DCT: variants seen among roughly 807,000 people sequenced by gnomAD.
The protein encoded by DCT is L-dopachrome tautomerase.
In DCT, 47 loss-of-function variants were observed where a neutral mutation model predicts 53.0. That is an observed-to-expected ratio of 0.89 (90% CI 0.70 to 1.13). The LOEUF (loss-of-function observed/expected upper bound fraction) is 1.13, where lower values mean the gene tolerates loss of function less well. Among genes scored for constraint, DCT ranks in the 50% most tolerant of loss-of-function variants. The probability of loss-of-function intolerance (pLI) is 0.00; values close to 1 mark genes in which losing one functional copy is unlikely to be tolerated. For missense variants in DCT, 669 were observed against 637.4 expected (o/e 1.05, Z -0.53); for synonymous variants, 244 against 237.0 (o/e 1.03, Z -0.27).
At chr13:94,489,050 A>T in the DCT span, among the ~76,000 whole-genome samples, 1 of 152,146 alleles carries the variant, frequency 6.6e-6, no homozygotes, top group Non-Finnish European at 1.5e-5. Context: ...TGTAGAATAA[A>T]CACAAGAAAC....
At chr13:94,545,474 GC>G in the DCT span, among the ~76,000 whole-genome samples, 1 of 152,090 alleles carries the variant, frequency 6.6e-6, no homozygotes, top group Non-Finnish European at 1.5e-5. Flanking sequence ...ATAACTGACA[GC>G]TTTCCTAGTT....
chr13:94,521,226 T>C, the DCT span, among the ~76,000 whole-genome samples: 1 of 152,210 alleles, frequency 6.6e-6, no homozygotes, highest in African/African-American at 2.4e-5. Context: ...AAACCTGTGT[T>C]GTAAGGATAA....
the DCT span, among the ~76,000 whole-genome samples, chr13:94,487,384 G>A: frequency 6.6e-6 from 1 of 152,154 alleles, no homozygotes; most frequent in East Asian, 1.9e-4. Flanking sequence ...TTTGCATGCC[G>A]GCACCTAGCA....
the DCT span, among the ~76,000 whole-genome samples, chr13:94,537,318 A>G: frequency 1.3e-5 from 2 of 152,244 alleles, no homozygotes; most frequent in Non-Finnish European, 2.9e-5. Context: ...ATTTAAAAAT[A>G]GCAGTCAGAA....
the DCT span, among the ~76,000 whole-genome samples, chr13:94,533,294 G>C: frequency 2.1e-4 from 32 of 151,848 alleles, no homozygotes; most frequent in Non-Finnish European, 3.7e-4. Context: ...AAAGGTGTAA[G>C]ACCATGCAAT....
At chr13:94,547,984 A>AAAAAAAAATATAT in the DCT span, among the ~76,000 whole-genome samples, 9 of 65,816 alleles carry the variant, frequency 1.4e-4, no homozygotes, top group African/African-American at 7.7e-4. Flanking sequence ...AAAAAAAAAA[A>AAAAAAAAATATAT]ATATATATAT....
chr13:94,507,089 G>A, the DCT span, among the ~76,000 whole-genome samples: 1 of 152,136 alleles, frequency 6.6e-6, no homozygotes, highest in African/African-American at 2.4e-5. Flanking sequence ...AGACCAAGGA[G>A]AATATGGAGA....
chr13:94,477,576 C>A (rs1402039088), intron 1 of DCT, among the ~76,000 whole-genome samples: 2 of 152,160 alleles, frequency 1.3e-5, no homozygotes, highest in Admixed American at 1.3e-4. Context: ...AATCATATCT[C>A]AAACCCTAGC....
rs1423413072 is a variant in DCT at position 94,436,886 on chromosome 13, T to C, written c.*3012A>G. The C allele has an allele frequency of 6.6e-6, 1 of 152,204 alleles. No individual in the cohort carries two copies. Among genetic ancestry groups the C allele is most frequent in the East Asian group, 1.9e-4 (1 of 5,198 alleles). The allele number at this position is 152,204 out of a possible 1,614,324, so 9.4% of individuals were successfully genotyped here. A position where few individuals can be genotyped will look rare whatever the true frequency, so the allele number is the denominator to read the frequency against. ...AAAATACTCAGGATAAGTAAGGCAC[T>C]ATAGAAATAGGAAGAGCTTCAACCT... On this transcript the variant is annotated 3_prime_UTR_variant, in exon 8 of 8. Coordinates refer to ENST00000377028, the MANE Select transcript of DCT (RefSeq NM_001922.5).
intron 6 of DCT, among the ~76,000 whole-genome samples, chr13:94,457,390 G>C (rs762919607): frequency 2.6e-5 from 4 of 152,178 alleles, no homozygotes; most frequent in Non-Finnish European, 1.5e-5. Context: ...CACTATATGA[G>C]GATGCAGCTA....
Position 94,445,533 on chromosome 13 carries a change from G to A in DCT, c.1180-1896C>T, listed in dbSNP as rs1187924210. On this transcript the variant is annotated intron_variant, in intron 6 of 7. Coordinates refer to ENST00000377028, the MANE Select transcript of DCT (RefSeq NM_001922.5). ...ATCACCATCTGACTGCAGCTGCACT[G>A]AAAGATGCTAGGCTAGAACTGCCTA... Among the ~76,000 whole-genome samples, 3 of 152,178 alleles carry A rather than the reference G, an allele frequency of 2.0e-5. No homozygotes were observed. In the South Asian group the frequency reaches 6.2e-4, roughly 32 times the overall value.
Position 94,472,546 on chromosome 13 carries a change from ATATATATATATATATATATATATT to A in DCT, c.296-3525_296-3502del, listed in dbSNP as rs1884761413. 3.1e-4 allele frequency among the ~76,000 whole-genome samples: 8 copies of A among 25,572 alleles called. 1 individual carries two copies. The highest frequency in any genetic ancestry group is 1.3e-3 in the African/African-American group (7 of 5,276). 16.8% of individuals were successfully genotyped at this position (25,572 alleles called of 152,430 possible). A position where few individuals can be genotyped will look rare whatever the true frequency, so the allele number is the denominator to read the frequency against. On this transcript the variant is annotated intron_variant, in intron 1 of 7. Coordinates refer to ENST00000377028, the MANE Select transcript of DCT (RefSeq NM_001922.5). ...CATATATATATATATATATATATAT[ATATATATATATATATATATATATT>A]TTTTTTTTTTTTTTTTTTTTTTTTT... is the stretch of plus-strand genomic sequence containing the variant.
chr13:94,505,469 G>A, the DCT span, among the ~76,000 whole-genome samples: 2 of 152,150 alleles, frequency 1.3e-5, no homozygotes, highest in African/African-American at 2.4e-5. Flanking sequence ...AGATTTGGCC[G>A]AAAGTCCGTT....
Position 94,472,521 on chromosome 13 carries a change from CATATATATATATATATAT to C in DCT, c.296-3494_296-3477del, listed in dbSNP as rs1555334365. ...AGTGAGTTAAATATATACATACATACATATATATATATATATATATATATATATATATATATATATATA... is the reference window on the plus strand; with the variant it reads ...AGTGAGTTAAATATATACATACATACATATATATATATATATATATATATA... On this transcript the variant is annotated intron_variant, in intron 1 of 7. Transcript: ENST00000377028. Among the ~76,000 whole-genome samples the C allele has an allele frequency of 4.0e-3, 100 of 25,280 alleles. 1 individual carries two copies. Among genetic ancestry groups the C allele is most frequent in the East Asian group, 0.021 (19 of 920 alleles). 16.6% of individuals were successfully genotyped at this position (25,280 alleles called of 152,430 possible).
At chr13:94,499,257 G>A in the DCT span, among the ~76,000 whole-genome samples, 1 of 152,142 alleles carries the variant, frequency 6.6e-6, no homozygotes. Flanking sequence ...ATCTTTAAGA[G>A]CTGTAACACT....
intron 1 of DCT, among the ~76,000 whole-genome samples, chr13:94,475,994 A>G (rs1885049963): frequency 1.3e-5 from 2 of 152,182 alleles, no homozygotes; most frequent in Admixed American, 1.3e-4. Flanking sequence ...GGTGAGCCAC[A>G]GCCTGGAGAT....
the DCT span, among the ~76,000 whole-genome samples, chr13:94,520,587 C>T: frequency 6.6e-6 from 1 of 152,086 alleles, no homozygotes; most frequent in African/African-American, 2.4e-5. Context: ...AAATATCTTA[C>T]AAAAATATTA....
intron 2 of DCT, chr13:94,467,465 T>C (rs1299055187): frequency 6.6e-6 from 1 of 152,248 alleles, no homozygotes; most frequent in Non-Finnish European, 1.5e-5. Context: ...GACCAGAAAC[T>C]AGGACTTTCT....
In DCT at chr13:94,472,560, ATATATATATTTTTTTTTTTTTTTTTT is replaced by A. The variant is rs1566855385; in HGVS notation, c.296-3541_296-3516del. 7.7e-3 allele frequency among the ~76,000 whole-genome samples: 156 copies of A among 20,256 alleles called. 2 individuals carry two copies. Among genetic ancestry groups the A allele is most frequent in the Non-Finnish European group, 0.011 (137 of 12,408 alleles). The allele number at this position is 20,256 out of a possible 152,430, so 13.3% of individuals were successfully genotyped here. ...TATATATATATATATATATATATATATATATATATTTTTTTTTTTTTTTTTTTTTTTTTTTTTTGTCAAGACAGTCT... is the reference window on the plus strand; with the variant it reads ...TATATATATATATATATATATATATATTTTTTTTTTTTGTCAAGACAGTCT... On this transcript the variant is annotated intron_variant, in intron 1 of 7. Coordinates refer to ENST00000377028, the MANE Select transcript of DCT (RefSeq NM_001922.5).
Sources: gnomAD v4.1 joint callset for allele counts (sites outside exome capture counted in the v4.1 genomes callset) on GRCh38, gnomAD v4.1.1 for gene constraint, MANE v1.5 for transcripts, NCBI Gene and HGNC (gene_info 2026-07-23, HGNC 2026-07-21) for gene names.